Variants in ADIG observed in about 807,000 individuals in gnomAD.
ADIG encodes the protein adipogenin, also known as adipogenesis associated.
A neutral mutation model predicts 10.7 loss-of-function variants in ADIG; 12 were observed. The ratio of observed to expected loss-of-function variants is 1.12; its 90% CI spans 0.72 to 1.82. The LOEUF is 1.82. Ranked by LOEUF, ADIG falls within the 40% of genes most tolerant of loss-of-function variation. ADIG has a pLI of 0.00. For synonymous variants in ADIG, 32 were observed against 35.6 expected, an observed-to-expected ratio of 0.90 and a Z score of 0.36; for missense variants, 72 against 92.5, an observed-to-expected ratio of 0.78 and a Z score of 0.91.
intron 1 of ADIG, among the ~76,000 whole-genome samples, chr20:38,583,489 CG>C (rs1012750477): frequency 6.6e-6 from 1 of 152,226 alleles, no homozygotes; most frequent in Admixed American, 6.5e-5. Flanking sequence ...CGATGCATAT[CG>C]GGTACTTACA....
At chr20:38,583,427 A>G (rs542978905) in intron 1 of ADIG, among the ~76,000 whole-genome samples, 25 of 152,264 alleles carry the variant, frequency 1.6e-4, no homozygotes, top group African/African-American at 6.0e-4. Context: ...CATCTACAAA[A>G]TGGAGACAAC....
chr20:38,586,307 G>A, intron 2 of ADIG, 146 bp downstream of exon 2: 1 of 644,780 alleles, frequency 1.6e-6, no homozygotes, highest in Non-Finnish European at 2.6e-6. Flanking sequence ...GCATGTGAGA[G>A]CCTTCTGCTT....
intron 1 of ADIG, among the ~76,000 whole-genome samples, chr20:38,583,600 A>G (rs1020647557): frequency 6.6e-6 from 1 of 152,194 alleles, no homozygotes; most frequent in Non-Finnish European, 1.5e-5. Flanking sequence ...TGTGGGAGGA[A>G]ATGCAGGTGG....
intron 1 of ADIG, among the ~76,000 whole-genome samples, chr20:38,584,978 A>G (rs2088623278): frequency 6.6e-6 from 1 of 152,196 alleles, no homozygotes; most frequent in African/African-American, 2.4e-5. Context: ...GGGTTTCGCC[A>G]TGTTGGCCAG....
In ADIG at chr20:38,588,428, G is replaced by A. The variant is rs2088656214; in HGVS notation, c.*342G>A. ...TGTGGGTCCATATTAAAGAAGCAAG[G>A]GTCTTCCCATACCCGGGGGACCCCT... On this transcript the variant is annotated 3_prime_UTR_variant, in exon 3 of 3. Transcript: ENST00000537425. 1 of 1,215,702 alleles carries A rather than the reference G, an allele frequency of 8.2e-7. No individual in the cohort carries two copies. Among genetic ancestry groups the A allele is most frequent in the Non-Finnish European group, 1.1e-6 (1 of 947,496 alleles). The allele number at this position is 1,215,702 out of a possible 1,614,324, so 75.3% of individuals were successfully genotyped here. A position where few individuals can be genotyped will look rare whatever the true frequency, so the allele number is the denominator to read the frequency against.
At chr20:38,586,250 T>C in intron 2 of ADIG, 89 bp downstream of exon 2, 5 of 995,974 alleles carry the variant, frequency 5.0e-6, no homozygotes, top group South Asian at 3.0e-5. Flanking sequence ...GCCTCCACCA[T>C]ATTAGAGGTA....
At position 38,586,103 on chromosome 20, in the gene ADIG, A is replaced by C; in HGVS notation, c.199A>C (p.Lys67Gln). 1 of 1,607,898 alleles carries C rather than the reference A, an allele frequency of 6.2e-7. No homozygotes were observed. Among genetic ancestry groups the C allele is most frequent in the South Asian group, 1.1e-5 (1 of 89,236 alleles). The change falls in exon 2 of 3, where the codon AAG becomes CAG. Residue 67 changes from lysine to glutamine, a missense_variant. Coordinates refer to ENST00000537425, the MANE Select transcript of ADIG (RefSeq NM_001393816.1). ...CAAAGGCCCAGCTGAGTTTTGCTGGAAGGGGACACTCCACGGCCAAGAGAA... is the reference window on the plus strand; with the variant it reads ...CAAAGGCCCAGCTGAGTTTTGCTGGCAGGGGACACTCCACGGCCAAGAGAA... ...WSKGPAEFCW[K>Q]GTLHGQEKER...
rs2088599164 is a variant in ADIG at position 38,582,611 on chromosome 20, A to G, written c.124+1237A>G. Among the ~76,000 whole-genome samples the G allele has an allele frequency of 2.6e-5, 4 of 152,180 alleles. No homozygotes were observed. The South Asian group carries it at 8.3e-4, about 32-fold the overall frequency. Reference sequence around the variant, plus strand: ...GTAATTATTGGGAGTTCCTGGCAAGAACTTGGGATGTCCTTTTGTTTCTAG... The same window carrying G: ...GTAATTATTGGGAGTTCCTGGCAAGGACTTGGGATGTCCTTTTGTTTCTAG... On this transcript the variant is annotated intron_variant, in intron 1 of 2. Transcript: ENST00000537425.
intron 1 of ADIG, among the ~76,000 whole-genome samples, chr20:38,583,856 G>A (rs1386252557): frequency 1.3e-5 from 2 of 152,194 alleles, no homozygotes. Flanking sequence ...TTAAAGTGAG[G>A]TGGGCATTCC....
At chr20:38,582,969 C>T (rs2088602032) in intron 1 of ADIG, among the ~76,000 whole-genome samples, 1 of 152,132 alleles carries the variant, frequency 6.6e-6, no homozygotes, top group Non-Finnish European at 1.5e-5. Context: ...AGGTGCCCGC[C>T]ATCACACCTG....
intron 1 of ADIG, chr20:38,585,328 A>G (rs2052902375): frequency 7.9e-7 from 1 of 1,261,150 alleles, no homozygotes; most frequent in Non-Finnish European, 1.1e-6. Context: ...TAGCAAACTC[A>G]TTAACGTGTG....
At chr20:38,581,469 C>A in intron 1 of ADIG, 95 bp downstream of exon 1, 1 of 1,534,220 alleles carries the variant, frequency 6.5e-7, no homozygotes, top group Non-Finnish European at 8.9e-7. Flanking sequence ...GCAGAAGGGG[C>A]TTCCTTCAGT....
chr20:38,587,978 T>C (rs2088651765), intron 2 of ADIG, 123 bp from the exon 3 acceptor site: 2 of 1,141,138 alleles, frequency 1.8e-6, no homozygotes, highest in Non-Finnish European at 2.3e-6. Context: ...CCTTAGATGA[T>C]CCACCTGCCT....
At chr20:38,586,571 C>T (rs750280684) in intron 2 of ADIG, among the ~76,000 whole-genome samples, 4 of 152,176 alleles carry the variant, frequency 2.6e-5, no homozygotes, top group Non-Finnish European at 4.4e-5. Flanking sequence ...CCCTATCCTC[C>T]GCATCGTGCT....
intron 1 of ADIG, among the ~76,000 whole-genome samples, chr20:38,583,178 A>G (rs756400354): frequency 6.6e-6 from 1 of 152,190 alleles, no homozygotes; most frequent in Non-Finnish European, 1.5e-5. Context: ...CTGACTATAT[A>G]CCAGACCTTG....
rs979755527 is a variant in ADIG at position 38,585,640 on chromosome 20, A to G, written c.125-389A>G. On this transcript the variant is annotated intron_variant, in intron 1 of 2. Coordinates refer to ENST00000537425, the MANE Select transcript of ADIG (RefSeq NM_001393816.1). The stretch of plus-strand genomic sequence containing the variant: ...GTGTTTCATCACAAAACAGGGCTAC[A>G]GTGGAGATCATTGTGCCTTTGTACT... 7.5e-6 allele frequency: 8 copies of G among 1,063,746 alleles called. No individual in the cohort carries two copies. The African/African-American group carries it at 8.0e-5, about 11-fold the overall frequency. The allele number at this position is 1,063,746 out of a possible 1,614,324, so 65.9% of individuals were successfully genotyped here.
In ADIG at chr20:38,588,428, G is replaced by C. The variant is rs2088656214; in HGVS notation, c.*342G>C. ...TGTGGGTCCATATTAAAGAAGCAAGGGTCTTCCCATACCCGGGGGACCCCT... is the reference window on the plus strand; with the variant it reads ...TGTGGGTCCATATTAAAGAAGCAAGCGTCTTCCCATACCCGGGGGACCCCT... On this transcript the variant is annotated 3_prime_UTR_variant, in exon 3 of 3. Transcript: ENST00000537425. 1 of 1,215,702 alleles carries C rather than the reference G, an allele frequency of 8.2e-7. No homozygotes were observed. The highest frequency in any genetic ancestry group is 1.1e-6 in the Non-Finnish European group (1 of 947,496). 75.3% of individuals were successfully genotyped at this position (1,215,702 alleles called of 1,614,324 possible).
chr20:38,581,958 C>T (rs1253034314), intron 1 of ADIG, among the ~76,000 whole-genome samples: 2 of 152,172 alleles, frequency 1.3e-5, no homozygotes, highest in African/African-American at 4.8e-5. Context: ...CTGACATTCA[C>T]CCTGACCTCA....
intron 2 of ADIG, chr20:38,586,384 C>G (rs1159388003): frequency 2.9e-5 from 15 of 512,498 alleles, no homozygotes; most frequent in Non-Finnish European, 5.3e-5. Context: ...GGAGCCTTTA[C>G]AAAGGTCCCC....
Sources: allele counts gnomAD v4.1 joint callset (sites outside exome capture counted in the v4.1 genomes callset), GRCh38; gene constraint gnomAD v4.1.1; transcripts MANE v1.5; gene names NCBI Gene and HGNC (gene_info 2026-07-23, HGNC 2026-07-21).